The following AASDHPPT variants were observed in gnomAD, a reference collection of about 807,000 sequenced individuals.
AASDHPPT encodes L-aminoadipate-semialdehyde dehydrogenase-phosphopantetheinyl transferase.
Under a neutral mutation model 36.4 loss-of-function variants are expected in AASDHPPT, and 23 were observed. That is an observed-to-expected ratio of 0.63 (90% CI 0.45 to 0.89). The LOEUF is 0.89. Ranked by LOEUF, AASDHPPT falls within the 40% of genes least tolerant of loss-of-function variation. AASDHPPT has a pLI of 0.00. For missense variants in AASDHPPT, 377 were observed against 378.2 expected (o/e 1.00, Z 0.03); for synonymous variants, 115 against 128.0 (o/e 0.90, Z 0.68).
intron 2 of AASDHPPT, among the ~76,000 whole-genome samples, chr11:106,084,077 C>T (rs1459306482): frequency 1.3e-5 from 2 of 151,916 alleles, no homozygotes; most frequent in Non-Finnish European, 2.9e-5. Flanking sequence ...CAAATTCAAG[C>T]AGTCAGTAAG....
At chr11:106,081,487 A>T (rs939289241) in intron 2 of AASDHPPT, among the ~76,000 whole-genome samples, 1 of 152,196 alleles carries the variant, frequency 6.6e-6, no homozygotes, top group Non-Finnish European at 1.5e-5. Flanking sequence ...TACTCTAAAA[A>T]AATTGCTGCT....
chr11:106,092,065 T>G (rs192341548), intron 4 of AASDHPPT: 1 of 152,376 alleles, frequency 6.6e-6, no homozygotes, highest in East Asian at 1.9e-4. Context: ...CCACCCATGT[T>G]TCTCATTCTG....
intron 4 of AASDHPPT, chr11:106,092,701 T>G (rs755746219): frequency 2.6e-5 from 4 of 152,152 alleles, no homozygotes; most frequent in Non-Finnish European, 5.9e-5. Flanking sequence ...TTTATGACAG[T>G]ATGAAAGTGA....
At chr11:106,090,366 T>A (rs976902118) in intron 2 of AASDHPPT, among the ~76,000 whole-genome samples, 191 bp from the exon 3 acceptor site, 1 of 152,060 alleles carries the variant, frequency 6.6e-6, no homozygotes, top group Non-Finnish European at 1.5e-5. Flanking sequence ...CTTGTCATAG[T>A]GTGTTTACTC....
chr11:106,086,508 G>GGAGA (rs1861198898), intron 2 of AASDHPPT: 2 of 152,224 alleles, frequency 1.3e-5, no homozygotes, highest in Admixed American at 6.5e-5. Context: ...ATGAATTTCA[G>GGAGA]GAGACACCCT....
rs1170736692 is a variant in AASDHPPT at position 106,090,658 on chromosome 11, G to T, written c.511G>T (p.Asp171Tyr). 3 of 1,590,706 alleles carry T rather than the reference G, an allele frequency of 1.9e-6. No individual in the cohort carries two copies. The highest frequency in any genetic ancestry group is 2.6e-6 in the Non-Finnish European group (3 of 1,170,116). The change falls in exon 3 of 6, where the codon GAT becomes TAT. Residue 171 changes from aspartate to tyrosine, a missense_variant. Asp to Tyr is a radical substitution (Grantham distance 160). Coordinates refer to ENST00000278618, the MANE Select transcript of AASDHPPT (RefSeq NM_015423.3). ...CTTTAAGGATGAGTGGACTCAGCTG[G>T]ATATGTTTTATAGGAATTGGGTATA... ...RSFKDEWTQL[D>Y]MFYRNWALKE...
At chr11:106,090,491 A>T in intron 2 of AASDHPPT, 66 bp from the exon 3 acceptor site, 1 of 1,337,552 alleles carries the variant, frequency 7.5e-7, no homozygotes, top group Non-Finnish European at 1.0e-6. Context: ...GAACAGTTTT[A>T]GTAATAGAGC....
At chr11:106,085,255 C>T (rs953308597) in intron 2 of AASDHPPT, among the ~76,000 whole-genome samples, 2 of 152,078 alleles carry the variant, frequency 1.3e-5, no homozygotes, top group African/African-American at 4.8e-5. Flanking sequence ...GCACTTGCCA[C>T]GACGCCCGGC....
intron 3 of AASDHPPT, 66 bp from the exon 4 acceptor site, chr11:106,091,250 C>A: frequency 1.4e-6 from 2 of 1,408,122 alleles, no homozygotes; most frequent in Admixed American, 2.2e-5. Context: ...ATCTTTTGGA[C>A]CTGTAGATTC....
chr11:106,080,014 ATTGT>A (rs1032856675), intron 2 of AASDHPPT, among the ~76,000 whole-genome samples: 29 of 152,152 alleles, frequency 1.9e-4, no homozygotes, highest in Admixed American at 1.4e-3. Flanking sequence ...TTTTCAGTTA[ATTGT>A]TTGTTTTTTA....
chr11:106,086,987 A>G (rs1861204605), intron 2 of AASDHPPT, among the ~76,000 whole-genome samples: 1 of 152,186 alleles, frequency 6.6e-6, no homozygotes, highest in South Asian at 2.1e-4. Flanking sequence ...TCCTGAAAGG[A>G]TAACATTCGC....
chr11:106,095,478 C>A (rs1441619561), intron 5 of AASDHPPT, among the ~76,000 whole-genome samples: 1 of 152,126 alleles, frequency 6.6e-6, no homozygotes, highest in African/African-American at 2.4e-5. Flanking sequence ...TTTATACTTT[C>A]TTATCCTATT....
At chr11:106,096,435 A>T (rs1861314159) in intron 5 of AASDHPPT, 1 of 192,850 alleles carries the variant, frequency 5.2e-6, no homozygotes, top group Non-Finnish European at 1.0e-5. Context: ...ACAGATTTTG[A>T]TATCCCTTCT....
chr11:106,096,930 A>G lies in AASDHPPT; in HGVS notation c.*23A>G, dbSNP rs756129079. Reference sequence around the variant, plus strand: ...TGATGATTCCCTGAGTAACAAAGGGAAATGAAAACTGTTTGTGATCTTCCG... The same window carrying G: ...TGATGATTCCCTGAGTAACAAAGGGGAATGAAAACTGTTTGTGATCTTCCG... On this transcript the variant is annotated 3_prime_UTR_variant, in exon 6 of 6. Transcript: ENST00000278618. The G allele has an allele frequency of 1.9e-6, 3 of 1,571,528 alleles. No homozygotes were observed. The South Asian group carries it at 3.6e-5, about 19-fold the overall frequency.
At position 106,077,710 on chromosome 11, in the gene AASDHPPT, T is replaced by C; in HGVS notation, c.-1T>C. ...ATAGCGGCGAGGTCCGCTTTCAGTG[T>C]ATGGTTTTCCCTGCCAAACGGTTCT... On this transcript the variant is annotated 5_prime_UTR_variant, in exon 1 of 6. Transcript: ENST00000278618. 6.2e-7 allele frequency: 1 copy of C among 1,613,098 alleles called. No individual in the cohort carries two copies. Among genetic ancestry groups the C allele is most frequent in the Non-Finnish European group, 8.5e-7 (1 of 1,179,286 alleles).
At chr11:106,084,639 C>G (rs1565410726) in intron 2 of AASDHPPT, among the ~76,000 whole-genome samples, 1 of 145,190 alleles carries the variant, frequency 6.9e-6, no homozygotes, top group Non-Finnish European at 1.5e-5. Flanking sequence ...ATAGCAGAAT[C>G]TTTTTTTTTT....
rs934128973 is a variant in AASDHPPT, at chr11:106,097,761, A to C, written c.*854A>C. 1 of 152,150 alleles carries C rather than the reference A, an allele frequency of 6.6e-6. No individual in the cohort carries two copies. Among genetic ancestry groups the C allele is most frequent in the African/African-American group, 2.4e-5 (1 of 41,446 alleles). 9.4% of individuals were successfully genotyped at this position (152,150 alleles called of 1,614,324 possible). A position where few individuals can be genotyped will look rare whatever the true frequency, so the allele number is the denominator to read the frequency against. ...ATTGACTTAGATCAGGTTACAGAGAAAGGCAATGTCTGACATTTTTGGTCT... is the reference window on the plus strand; with the variant it reads ...ATTGACTTAGATCAGGTTACAGAGACAGGCAATGTCTGACATTTTTGGTCT... On this transcript the variant is annotated 3_prime_UTR_variant, in exon 6 of 6. Transcript: ENST00000278618.
At chr11:106,085,112 GT>G (rs1419408825) in intron 2 of AASDHPPT, among the ~76,000 whole-genome samples, 1 of 149,996 alleles carries the variant, frequency 6.7e-6, no homozygotes, top group Non-Finnish European at 1.5e-5. Flanking sequence ...TGGTTTGTTT[GT>G]TTTTTTTTGA....
intron 2 of AASDHPPT, among the ~76,000 whole-genome samples, chr11:106,080,333 G>A (rs12365489): frequency 0.1 from 15,485 of 152,114 alleles, 1,497 homozygotes; most frequent in East Asian, 0.3. Flanking sequence ...GGATACCAAC[G>A]GGCGACTCTT....
Sources: allele counts gnomAD v4.1 joint callset (sites outside exome capture counted in the v4.1 genomes callset), GRCh38; gene constraint gnomAD v4.1.1; transcripts MANE v1.5; gene names NCBI Gene and HGNC (gene_info 2026-07-23, HGNC 2026-07-21).